TCP1: variants seen among roughly 807,000 people sequenced by gnomAD.
The protein encoded by TCP1 is T-complex protein 1 subunit alpha.
TCP1 carries 6 observed loss-of-function variants against 54.7 expected under a neutral mutation model. The observed-to-expected ratio is 0.11, with a 90% CI of 0.06 to 0.22. The LOEUF is 0.22. TCP1 is among the 10% of genes least tolerant of loss of function. The pLI, the probability that TCP1 is intolerant of heterozygous loss-of-function variation, is 1.00. For missense variants in TCP1, 511 were observed against 678.2 expected (o/e 0.75, Z 2.74); for synonymous variants, 225 against 229.7 (o/e 0.98, Z 0.19).
chr6:159,787,970 A>T, intron 2 of TCP1, 88 bp downstream of exon 2: 1 of 1,606,028 alleles, frequency 6.2e-7, no homozygotes, highest in Non-Finnish European at 8.5e-7. Flanking sequence ...CAGTACGTGG[A>T]TTCTGATAAA....
At chr6:159,786,030 C>T (rs879115111) in intron 3 of TCP1, 33 bp from the exon 4 acceptor site, 1 of 1,547,034 alleles carries the variant, frequency 6.5e-7, no homozygotes, top group South Asian at 1.1e-5. Flanking sequence ...TCTGAGTGTG[C>T]CGGATATTCA....
chr6:159,788,888 C>T (rs1780769698), intron 1 of TCP1: 1 of 154,740 alleles, frequency 6.5e-6, no homozygotes, highest in Admixed American at 6.5e-5. Flanking sequence ...TGGGCTAACT[C>T]TACTGTAAGA....
At chr6:159,786,960 G>T (rs555871301) in intron 3 of TCP1, among the ~76,000 whole-genome samples, 57 of 151,622 alleles carry the variant, frequency 3.8e-4, no homozygotes, top group African/African-American at 1.4e-3. Context: ...TTAAAAAATA[G>T]AACAGGCTGA....
Position 159,778,510 on chromosome 6 carries a change from A to T in TCP1, c.*535T>A. 1 of 891,950 alleles carries T rather than the reference A, an allele frequency of 1.1e-6. No individual in the cohort carries two copies. The highest frequency in any genetic ancestry group is 1.6e-6 in the Non-Finnish European group (1 of 606,564). 55.3% of individuals were successfully genotyped at this position (891,950 alleles called of 1,614,324 possible). A position where few individuals can be genotyped will look rare whatever the true frequency, so the allele number is the denominator to read the frequency against. The stretch of plus-strand genomic sequence containing the variant: ...AGATAGGCAGGGATGAATTTTCACA[A>T]AGGTGTAAATTTATTCCTAAGCAGT... On this transcript the variant is annotated 3_prime_UTR_variant, in exon 12 of 12. Coordinates refer to ENST00000321394, the MANE Select transcript of TCP1 (RefSeq NM_030752.3).
At position 159,778,963 on chromosome 6, in the gene TCP1, T is replaced by C; in HGVS notation, c.*82A>G. On this transcript the variant is annotated 3_prime_UTR_variant, in exon 12 of 12. Transcript: ENST00000321394. ...CACAAAAACCCAAGTTTACAGCTTG[T>C]ACTTTACTTTAATGTGTAATACTCA... 3.8e-6 allele frequency: 6 copies of C among 1,559,116 alleles called. No homozygotes were observed. Among genetic ancestry groups the C allele is most frequent in the Non-Finnish European group, 5.2e-6 (6 of 1,144,810 alleles).
At chr6:159,783,819 A>G in intron 7 of TCP1, 122 bp downstream of exon 7, 1 of 1,337,118 alleles carries the variant, frequency 7.5e-7, no homozygotes, top group South Asian at 1.5e-5. Flanking sequence ...ATAACCCCAA[A>G]TCCCTCTAAA....
chr6:159,788,693 T>C (rs1012949232), intron 1 of TCP1: 2 of 153,454 alleles, frequency 1.3e-5, no homozygotes, highest in African/African-American at 2.4e-5. Context: ...AAAACTCTCT[T>C]TATCTGTGAG....
chr6:159,784,952 A>G, intron 5 of TCP1, 105 bp from the exon 6 acceptor site: 1 of 1,143,392 alleles, frequency 8.7e-7, no homozygotes, highest in Non-Finnish European at 1.3e-6. Flanking sequence ...AATCTAATCT[A>G]TTAAAGCAGC....
Position 159,781,055 on chromosome 6 carries a change from C to T in TCP1, c.853G>A (p.Val285Ile), listed in dbSNP as rs561544024. ...IQKILATGAN[V>I]ILTTGGIDDM... ...TCAATTCCACCAGTGGTTAGAATAA[C>T]ATTGGCACCAGTTGCCAGGATCTTC... Residue 285 changes from valine to isoleucine, a missense_variant, in exon 8 of 12, where the codon GTT (valine) becomes ATT (isoleucine). Coordinates refer to ENST00000321394, the MANE Select transcript of TCP1 (RefSeq NM_030752.3). The T allele has an allele frequency of 3.2e-5, 52 of 1,612,202 alleles. No homozygotes were observed. The highest frequency in any genetic ancestry group is 4.4e-5 in the Non-Finnish European group (52 of 1,179,508).
chr6:159,787,412 A>G (rs1250823371), intron 3 of TCP1, among the ~76,000 whole-genome samples: 2 of 152,338 alleles, frequency 1.3e-5, no homozygotes, highest in East Asian at 1.9e-4. Flanking sequence ...GAATACTGCC[A>G]TAAAAGGAAA....
At chr6:159,783,743 A>G (rs1239527504) in intron 7 of TCP1, among the ~76,000 whole-genome samples, 198 bp downstream of exon 7, 1 of 152,068 alleles carries the variant, frequency 6.6e-6, no homozygotes, top group Non-Finnish European at 1.5e-5. Context: ...TGTCTTTTAC[A>G]TCTTTAATAT....
chr6:159,789,049 G>C (rs553267309), intron 1 of TCP1: 9 of 273,626 alleles, frequency 3.3e-5, no homozygotes, highest in Middle Eastern at 2.3e-3. Flanking sequence ...GTTTAACATG[G>C]ACACTCAGGG....
rs765831020 is a variant in TCP1 at position 159,784,090 on chromosome 6, G to A, written c.671-23C>T. ...TGCCTACAATTGAACATAAGATTAA[G>A]TTAATACGTCTATCCTTAAAAGCAT... On this transcript the variant is annotated intron_variant, in intron 6 of 11. Transcript: ENST00000321394. 7.5e-6 allele frequency: 12 copies of A among 1,608,420 alleles called. No individual in the cohort carries two copies. The South Asian group carries it at 1.0e-4, about 13-fold the overall frequency.
Position 159,778,792 on chromosome 6 carries a change from G to A in TCP1, c.*253C>T, listed in dbSNP as rs1562481179. ...GGTGTTGCAGCCCTGTGCATTGGGGGTGGGATGGGAATAGCAATGTGTGTT... is the reference window on the plus strand; with the variant it reads ...GGTGTTGCAGCCCTGTGCATTGGGGATGGGATGGGAATAGCAATGTGTGTT... On this transcript the variant is annotated 3_prime_UTR_variant, in exon 12 of 12. Coordinates refer to ENST00000321394, the MANE Select transcript of TCP1 (RefSeq NM_030752.3). 3.1e-6 allele frequency: 5 copies of A among 1,614,230 alleles called. No individual in the cohort carries two copies. Among genetic ancestry groups the A allele is most frequent in the East Asian group, 2.2e-5 (1 of 44,874 alleles).
rs145140164 is a variant in TCP1, at chr6:159,786,213, A to G, written c.280-216T>C. On this transcript the variant is annotated intron_variant, in intron 3 of 11. Transcript: ENST00000321394. ...ATAAATTCTTGGAAACTGCCACTTT[A>G]AGCAAAACAATGGACAGCAATTTCT... 5.7e-3 allele frequency among the ~76,000 whole-genome samples: 870 copies of G among 152,344 alleles called. 7 individuals are homozygous for G. The highest frequency in any genetic ancestry group is 0.02 in the African/African-American group (829 of 41,566).
Position 159,779,971 on chromosome 6 carries a change from G to A in TCP1, c.1214C>T (p.Ser405Leu). Residue 405 changes from serine (S) to leucine (L), a missense_variant, in exon 10 of 12, where the codon TCA becomes TTA. Coordinates refer to ENST00000321394, the MANE Select transcript of TCP1 (RefSeq NM_030752.3). ...ALCVVKRVLE[S>L]KSVVPGGGAV... ...ACCCCCACCGGGAACCACAGATTTTGACTCCAAAACTCTCTTCACTACACA... is the reference window on the plus strand; with the variant it reads ...ACCCCCACCGGGAACCACAGATTTTAACTCCAAAACTCTCTTCACTACACA... The A allele has an allele frequency of 6.2e-7, 1 of 1,614,056 alleles. No individual in the cohort carries two copies. The highest frequency in any genetic ancestry group is 1.7e-4 in the Middle Eastern group (1 of 6,060).
At chr6:159,785,870 A>T in intron 4 of TCP1, 30 bp downstream of exon 4, 1 of 1,585,310 alleles carries the variant, frequency 6.3e-7, no homozygotes, top group South Asian at 1.1e-5. Context: ...TTACATCAAA[A>T]AAAATTTCTC....
chr6:159,788,727 G>C (rs1017263337), intron 1 of TCP1: 5 of 153,032 alleles, frequency 3.3e-5, no homozygotes, highest in Admixed American at 3.3e-4. Flanking sequence ...AGTCAACGGG[G>C]AAGGTGGTGA....
chr6:159,781,863 C>G (rs1188982425), intron 7 of TCP1, among the ~76,000 whole-genome samples: 1 of 152,146 alleles, frequency 6.6e-6, no homozygotes, highest in Non-Finnish European at 1.5e-5. Flanking sequence ...GCAGGTTACA[C>G]CAAACAATCT....
Sources: allele counts gnomAD v4.1 joint callset (sites outside exome capture counted in the v4.1 genomes callset), GRCh38; gene constraint gnomAD v4.1.1; transcripts MANE v1.5; gene names NCBI Gene and HGNC (gene_info 2026-07-23, HGNC 2026-07-21).